Variants in TENM2 observed in about 807,000 individuals in gnomAD.
TENM2 encodes the protein teneurin transmembrane protein 2.
TENM2 carries 52 observed loss-of-function variants against 245.2 expected under a neutral mutation model. That is an observed-to-expected ratio of 0.21 (90% CI 0.17 to 0.27). The LOEUF is 0.27. Among genes scored for constraint, TENM2 ranks in the 10% least tolerant of loss-of-function variants. The probability of loss-of-function intolerance (pLI) is 1.00; values close to 1 mark genes in which losing one functional copy is unlikely to be tolerated. For synonymous variants in TENM2, 1,363 were observed against 1,438.9 expected, an observed-to-expected ratio of 0.95 and a Z score of 1.19; for missense variants, 3,046 against 3,666.8, an observed-to-expected ratio of 0.83 and a Z score of 4.37.
intron 5 of TENM2, among the ~76,000 whole-genome samples, chr5:168,028,327 G>T (rs1408600991): frequency 2.0e-5 from 3 of 152,170 alleles, no homozygotes; most frequent in African/African-American, 4.8e-5. Context: ...CTTTACACAC[G>T]AGACAGCCAG....
At chr5:167,072,912 A>G in the TENM2 span, among the ~76,000 whole-genome samples, 2 of 152,116 alleles carry the variant, frequency 1.3e-5, no homozygotes, top group African/African-American at 4.8e-5. Context: ...CTATTCTCTC[A>G]CTCTAATACT....
chr5:168,060,543 A>G (rs572239513), intron 6 of TENM2, among the ~76,000 whole-genome samples: 100 of 152,314 alleles, frequency 6.6e-4, no homozygotes, highest in African/African-American at 2.4e-3. Flanking sequence ...GATGTGAAGG[A>G]GGCTTCCAAA....
chr5:167,514,355 G>A (rs1770168484), intron 2 of TENM2, among the ~76,000 whole-genome samples: 1 of 152,084 alleles, frequency 6.6e-6, no homozygotes, highest in African/African-American at 2.4e-5. Flanking sequence ...GACCATAAAT[G>A]GGTCAGCACT....
intron 2 of TENM2, among the ~76,000 whole-genome samples, chr5:167,402,492 T>G (rs1384522657): frequency 6.6e-6 from 1 of 152,126 alleles, no homozygotes; most frequent in Non-Finnish European, 1.5e-5. Context: ...TATGGATATA[T>G]TTAGAGTTTT....
intron 2 of TENM2, among the ~76,000 whole-genome samples, chr5:167,560,728 A>G (rs965346918): frequency 1.3e-5 from 2 of 152,238 alleles, no homozygotes; most frequent in African/African-American, 2.4e-5. Flanking sequence ...CTCAAGAAAC[A>G]TTAGCTACTA....
At chr5:168,194,952 G>A (rs1761279422) in intron 14 of TENM2, among the ~76,000 whole-genome samples, 1 of 152,170 alleles carries the variant, frequency 6.6e-6, no homozygotes, top group African/African-American at 2.4e-5. Context: ...AAGAGTGGAA[G>A]GCGGGTGCCC....
chr5:167,427,692 A>G (rs1422328332), intron 2 of TENM2, among the ~76,000 whole-genome samples: 12 of 106,244 alleles, frequency 1.1e-4, no homozygotes, highest in Non-Finnish European at 1.8e-4. Flanking sequence ...GACGGGAAGG[A>G]AGGGAAGGAA....
intron 3 of TENM2, among the ~76,000 whole-genome samples, chr5:167,941,451 G>A (rs1779171857): frequency 6.6e-6 from 1 of 152,096 alleles, no homozygotes; most frequent in South Asian, 2.1e-4. Context: ...ATTCTGTAAG[G>A]CCTGGAGTTA....
the TENM2 span, among the ~76,000 whole-genome samples, chr5:166,989,733 TAACCCA>T: frequency 6.6e-6 from 1 of 151,376 alleles, no homozygotes; most frequent in African/African-American, 2.4e-5. Flanking sequence ...ATATGGAGAA[TAACCCA>T]AAGGGATCTT....
chr5:167,729,985 T>C (rs73801363), intron 2 of TENM2, among the ~76,000 whole-genome samples: 7,838 of 152,280 alleles, frequency 0.051, 534 homozygotes, highest in East Asian at 0.29. Flanking sequence ...CTGCTCTTGA[T>C]AGTTAGAATT....
intron 7 of TENM2, among the ~76,000 whole-genome samples, chr5:168,068,039 T>C (rs1346762856): frequency 2.0e-5 from 3 of 152,154 alleles, no homozygotes; most frequent in Non-Finnish European, 4.4e-5. Flanking sequence ...AAAGTGCTTT[T>C]GGAAAGGACT....
chr5:167,344,327 T>G (rs76077456), intron 1 of TENM2, among the ~76,000 whole-genome samples: 21,539 of 101,934 alleles, frequency 0.21, 2,000 homozygotes, highest in East Asian at 0.31. Context: ...TATATATATA[T>G]ATAGATATAT....
the TENM2 span, among the ~76,000 whole-genome samples, chr5:167,125,116 A>G: frequency 6.6e-6 from 1 of 152,242 alleles, no homozygotes; most frequent in Non-Finnish European, 1.5e-5. Context: ...AACTGTGTTT[A>G]AACAAGCCCC....
chr5:167,933,521 A>G (rs1268946209), intron 3 of TENM2, among the ~76,000 whole-genome samples: 1 of 152,216 alleles, frequency 6.6e-6, no homozygotes, highest in Non-Finnish European at 1.5e-5. Context: ...GCTCTCTTTA[A>G]AAATGCAGCC....
At chr5:167,437,189 G>A (rs112380552) in intron 2 of TENM2, among the ~76,000 whole-genome samples, 2,721 of 152,228 alleles carry the variant, frequency 0.018, 78 homozygotes, top group African/African-American at 0.062. Flanking sequence ...AAAGCCACAG[G>A]GGTGGAGCTG....
chr5:168,000,677 G>A (rs184329270), intron 5 of TENM2, among the ~76,000 whole-genome samples: 1 of 152,242 alleles, frequency 6.6e-6, no homozygotes, highest in East Asian at 1.9e-4. Flanking sequence ...TGATTTCTTA[G>A]CATTTGTAAT....
chr5:167,027,042 G>C, the TENM2 span, among the ~76,000 whole-genome samples: 1 of 152,076 alleles, frequency 6.6e-6, no homozygotes, highest in African/African-American at 2.4e-5. Context: ...TAAGACCCCA[G>C]AATAGGAATG....
At chr5:167,455,108 A>G (rs1561970061) in intron 2 of TENM2, among the ~76,000 whole-genome samples, 1 of 152,216 alleles carries the variant, frequency 6.6e-6, no homozygotes, top group African/African-American at 2.4e-5. Context: ...GTTCAAATTT[A>G]TCTGTTCTTC....
Position 167,970,438 on chromosome 5 carries a change from C to T in TENM2, c.947+17616C>T, listed in dbSNP as rs139473905. 2.0e-3 allele frequency among the ~76,000 whole-genome samples: 306 copies of T among 152,312 alleles called. 1 individual carries two copies. The highest frequency in any genetic ancestry group is 6.8e-3 in the African/African-American group (283 of 41,564). ...TACTAACCAGTGCTCTTTATGAGGGCTCATGATGAGAAAGTTAACTCAAAA... is the reference window on the plus strand; with the variant it reads ...TACTAACCAGTGCTCTTTATGAGGGTTCATGATGAGAAAGTTAACTCAAAA... On this transcript the variant is annotated intron_variant, in intron 4 of 28. Coordinates refer to ENST00000518659, the Ensembl canonical transcript of TENM2.
Sources: gnomAD v4.1 joint callset for allele counts (sites outside exome capture counted in the v4.1 genomes callset) on GRCh38, gnomAD v4.1.1 for gene constraint, MANE v1.5 for transcripts, NCBI Gene and HGNC (gene_info 2026-07-23, HGNC 2026-07-21) for gene names.